DNAJC16: variants seen among roughly 807,000 people sequenced by gnomAD.
DNAJC16 encodes dnaJ homolog subfamily C member 16.
DNAJC16 carries 76 observed loss-of-function variants against 92.7 expected under a neutral mutation model. The observed-to-expected ratio is 0.82, with a 90% CI of 0.68 to 0.99. The LOEUF is 0.99. DNAJC16 is among the 50% of genes least tolerant of loss of function. The pLI, the probability that DNAJC16 is intolerant of heterozygous loss-of-function variation, is 0.00. For synonymous variants in DNAJC16, 328 were observed against 358.7 expected, an observed-to-expected ratio of 0.91 and a Z score of 0.97; for missense variants, 869 against 942.4, an observed-to-expected ratio of 0.92 and a Z score of 1.02.
At chr1:15,561,278 T>C (rs1217825199) in intron 8 of DNAJC16, among the ~76,000 whole-genome samples, 2 of 152,294 alleles carry the variant, frequency 1.3e-5, no homozygotes, top group East Asian at 3.9e-4. Context: ...AGCTAAACTT[T>C]CCATTGGAAC....
intron 8 of DNAJC16, among the ~76,000 whole-genome samples, chr1:15,561,633 G>A (rs1180250429): frequency 4.6e-5 from 7 of 151,524 alleles, no homozygotes; most frequent in South Asian, 2.1e-4. Flanking sequence ...ACAGTGAGCC[G>A]AGATCACACC....
At chr1:15,545,461 G>A (rs1417584824) in intron 5 of DNAJC16, among the ~76,000 whole-genome samples, 2 of 152,122 alleles carry the variant, frequency 1.3e-5, no homozygotes, top group African/African-American at 2.4e-5. Flanking sequence ...TTCTGTGCCC[G>A]GCATAGATTA....
chr1:15,550,071 G>C (rs1370407645), intron 7 of DNAJC16, among the ~76,000 whole-genome samples: 1 of 152,192 alleles, frequency 6.6e-6, no homozygotes, highest in Non-Finnish European at 1.5e-5. Context: ...GATGACTGCT[G>C]TATGTAAAGT....
At chr1:15,536,365 C>A in intron 3 of DNAJC16, 110 bp from the exon 4 acceptor site, 1 of 896,076 alleles carries the variant, frequency 1.1e-6, no homozygotes, top group Non-Finnish European at 1.6e-6. Flanking sequence ...CAGGTGTGAG[C>A]CACCACGACT....
rs1306921228 is a variant in DNAJC16 at position 15,569,109 on chromosome 1, C to T, written c.*932C>T. 6.2e-6 allele frequency: 1 copy of T among 162,356 alleles called. No homozygotes were observed. The highest frequency in any genetic ancestry group is 1.3e-5 in the Non-Finnish European group (1 of 74,926). 10.1% of individuals were successfully genotyped at this position (162,356 alleles called of 1,614,324 possible). A position where few individuals can be genotyped will look rare whatever the true frequency, so the allele number is the denominator to read the frequency against. ...GATGTTAAACTGAAGAGAAATTATTCCCACCTGCTATGAGTCAGGCTTAAG... is the reference window on the plus strand; with the variant it reads ...GATGTTAAACTGAAGAGAAATTATTTCCACCTGCTATGAGTCAGGCTTAAG... On this transcript the variant is annotated 3_prime_UTR_variant, in exon 15 of 15. Coordinates refer to ENST00000375847, the MANE Select transcript of DNAJC16 (RefSeq NM_015291.4).
intron 6 of DNAJC16, among the ~76,000 whole-genome samples, chr1:15,547,650 C>A (rs955023791): frequency 3.9e-5 from 6 of 151,978 alleles, no homozygotes; most frequent in Non-Finnish European, 7.4e-5. Context: ...CCATGTTGGC[C>A]AGGCTGGTCT....
chr1:15,558,407 G>A (rs112583202), intron 7 of DNAJC16, among the ~76,000 whole-genome samples: 1 of 151,716 alleles, frequency 6.6e-6, no homozygotes, highest in Non-Finnish European at 1.5e-5. Flanking sequence ...GGCTGGTCTC[G>A]ATCTTCTAAG....
chr1:15,538,685 C>G (rs765088548), intron 4 of DNAJC16, among the ~76,000 whole-genome samples: 17 of 152,162 alleles, frequency 1.1e-4, no homozygotes, highest in Non-Finnish European at 2.4e-4. Context: ...CCATTGCATT[C>G]CAGCCTGGGC....
chr1:15,544,370 G>A (rs557471121), intron 4 of DNAJC16, 29 bp from the exon 5 acceptor site: 6 of 1,582,136 alleles, frequency 3.8e-6, no homozygotes, highest in Non-Finnish European at 5.2e-6. Flanking sequence ...ACATAAAAAG[G>A]CTTCATTTGG....
intron 7 of DNAJC16, among the ~76,000 whole-genome samples, chr1:15,553,551 G>A (rs549641156): frequency 6.6e-6 from 1 of 152,164 alleles, no homozygotes; most frequent in South Asian, 2.1e-4. Context: ...TTATTTTTAT[G>A]ATACTCACAT....
At chr1:15,549,426 T>G (rs868296394) in intron 7 of DNAJC16, among the ~76,000 whole-genome samples, 2 of 152,278 alleles carry the variant, frequency 1.3e-5, no homozygotes, top group Middle Eastern at 3.4e-3. Context: ...TACCGTAGTC[T>G]CCCCTGATCC....
At chr1:15,530,695 CT>C (rs374975481) in intron 2 of DNAJC16, among the ~76,000 whole-genome samples, 2,136 of 149,966 alleles carry the variant, frequency 0.014, 45 homozygotes, top group African/African-American at 0.049. Context: ...ATCAGTATCT[CT>C]TTTTTTTTTG....
intron 4 of DNAJC16, among the ~76,000 whole-genome samples, chr1:15,542,960 G>T (rs1220269562): frequency 6.6e-6 from 1 of 152,202 alleles, no homozygotes; most frequent in African/African-American, 2.4e-5. Context: ...AAAGCATTGT[G>T]TTGAGTGTGA....
intron 7 of DNAJC16, among the ~76,000 whole-genome samples, chr1:15,554,172 C>G (rs1638515244): frequency 6.6e-6 from 1 of 150,862 alleles, no homozygotes; most frequent in African/African-American, 2.4e-5. Context: ...CACTGCACTA[C>G]AACCTGAGCA....
intron 11 of DNAJC16, among the ~76,000 whole-genome samples, chr1:15,564,792 G>T (rs1156710542): frequency 6.6e-6 from 1 of 151,312 alleles, no homozygotes; most frequent in East Asian, 1.9e-4. Context: ...GCCTCCCAAA[G>T]TGCTGGGCTT....
chr1:15,558,190 T>TC (rs1405025687), intron 7 of DNAJC16, among the ~76,000 whole-genome samples: 26 of 131,900 alleles, frequency 2.0e-4, no homozygotes, highest in African/African-American at 6.6e-4. Context: ...TTTTTTTTTT[T>TC]TTTTTCTTGA....
rs1009545774 is a variant in DNAJC16, at chr1:15,568,086, G to A, written c.2258G>A (p.Gly753Glu). Residue 753 changes from glycine (G) to glutamate (E), a missense_variant, in exon 15 of 15, where the codon GGA (glycine) becomes GAA (glutamate). Gly to Glu is a moderately conservative substitution (Grantham distance 98). Transcript: ENST00000375847. ...SCGLGSRPIK[G>E]KLSKLSLWME... ...GGCCTTGGATCCAGGCCCATCAAAG[G>A]AAAGTTGAGCAAGCTCTCTTTATGG... 30 of 1,614,104 alleles carry A rather than the reference G, an allele frequency of 1.9e-5. No individual in the cohort carries two copies. The highest frequency in any genetic ancestry group is 2.5e-5 in the Non-Finnish European group (29 of 1,180,054).
At chr1:15,546,251 G>T (rs1638299254) in intron 5 of DNAJC16, among the ~76,000 whole-genome samples, 1 of 152,086 alleles carries the variant, frequency 6.6e-6, no homozygotes, top group African/African-American at 2.4e-5. Context: ...GAGGTTGAGG[G>T]TGCAATGAGC....
intron 7 of DNAJC16, among the ~76,000 whole-genome samples, chr1:15,554,801 G>A (rs1463898563): frequency 6.6e-6 from 1 of 152,064 alleles, no homozygotes; most frequent in Non-Finnish European, 1.5e-5. Context: ...AAGCTATACG[G>A]CTTTTAGAAG....
Sources: gnomAD v4.1 joint callset for allele counts (sites outside exome capture counted in the v4.1 genomes callset) on GRCh38, gnomAD v4.1.1 for gene constraint, MANE v1.5 for transcripts, NCBI Gene and HGNC (gene_info 2026-07-23, HGNC 2026-07-21) for gene names.